Variants in MTHFD1L observed in about 807,000 individuals in gnomAD.
MTHFD1L encodes the protein monofunctional C1-tetrahydrofolate synthase, mitochondrial.
In MTHFD1L, 81 loss-of-function variants were observed where a neutral mutation model predicts 119.5. The ratio of observed to expected loss-of-function variants is 0.68; its 90% confidence interval spans 0.57 to 0.82. MTHFD1L has a LOEUF of 0.82. Among genes scored for constraint, MTHFD1L ranks in the 40% least tolerant of loss-of-function variants. The probability of loss-of-function intolerance (pLI) is 0.00; values close to 1 mark genes in which losing one functional copy is unlikely to be tolerated. For missense variants in MTHFD1L, 1,125 were observed against 1,253.4 expected (o/e 0.90, Z 1.55); for synonymous variants, 430 against 475.2 (o/e 0.90, Z 1.24).
At chr6:151,058,725 C>T (rs1332808457) in intron 26 of MTHFD1L, among the ~76,000 whole-genome samples, 9 of 152,188 alleles carry the variant, frequency 5.9e-5, no homozygotes, top group South Asian at 2.1e-4. Flanking sequence ...CTTGTGGACA[C>T]GTGCACATCA....
chr6:150,991,830 T>C (rs1250535290), intron 20 of MTHFD1L, among the ~76,000 whole-genome samples: 1 of 152,110 alleles, frequency 6.6e-6, no homozygotes, highest in Non-Finnish European at 1.5e-5. Context: ...AGTTTTGAAA[T>C]AGTGGTTTCA....
chr6:150,889,625 C>T (rs1562323135), intron 7 of MTHFD1L, among the ~76,000 whole-genome samples: 1 of 152,216 alleles, frequency 6.6e-6, no homozygotes, highest in Non-Finnish European at 1.5e-5. Flanking sequence ...TGACAGACCA[C>T]TAACAGGTGA....
intron 25 of MTHFD1L, among the ~76,000 whole-genome samples, chr6:151,036,139 C>T (rs558629256): frequency 1.2e-3 from 176 of 152,274 alleles, no homozygotes; most frequent in Non-Finnish European, 1.3e-3. Context: ...TGATGTCAAC[C>T]GGGCACGGTG....
At chr6:150,923,544 C>CTTTTTTTTTTTTTTT (rs61415562) in intron 10 of MTHFD1L, among the ~76,000 whole-genome samples, 1 of 53,228 alleles carries the variant, frequency 1.9e-5, no homozygotes, top group Non-Finnish European at 4.0e-5. Context: ...TTTATTTTTT[C>CTTTTTTTTTTTTTTT]TTTTTTTTTT....
At chr6:150,939,707 C>T (rs1471389016) in intron 13 of MTHFD1L, among the ~76,000 whole-genome samples, 1 of 61,974 alleles carries the variant, frequency 1.6e-5, no homozygotes, top group African/African-American at 1.2e-4. Context: ...TTTTTTGAGA[C>T]AGAGTTTTGC....
intron 27 of MTHFD1L, chr6:151,099,411 A>G: frequency 2.8e-6 from 2 of 721,668 alleles, no homozygotes; most frequent in South Asian, 1.6e-5. Context: ...AAGGGATACC[A>G]GAGCCACTAC....
At chr6:151,013,844 T>C (rs1271541665) in intron 22 of MTHFD1L, 24 bp downstream of exon 22, 1 of 1,597,692 alleles carries the variant, frequency 6.3e-7, no homozygotes, top group Non-Finnish European at 8.6e-7. Flanking sequence ...TTTAGATGCT[T>C]ATGTGAAGAA....
intron 26 of MTHFD1L, among the ~76,000 whole-genome samples, chr6:151,060,772 CT>C (rs1790517557): frequency 6.6e-6 from 1 of 152,156 alleles, no homozygotes; most frequent in South Asian, 2.1e-4. Context: ...AGACCCAGGT[CT>C]TGTGAGGCCT....
chr6:151,004,482 T>G (rs1170635122), intron 20 of MTHFD1L, among the ~76,000 whole-genome samples: 1 of 152,220 alleles, frequency 6.6e-6, no homozygotes, highest in Non-Finnish European at 1.5e-5. Flanking sequence ...GAATGTTGTG[T>G]TGTTCTGGTG....
intron 11 of MTHFD1L, among the ~76,000 whole-genome samples, chr6:150,930,348 G>A (rs575515303): frequency 1.3e-5 from 2 of 152,302 alleles, no homozygotes; most frequent in African/African-American, 2.4e-5. Flanking sequence ...CATTTGACCA[G>A]GTCAAGCGTT....
At chr6:151,087,994 A>T (rs1398345874) in intron 26 of MTHFD1L, 1 of 152,136 alleles carries the variant, frequency 6.6e-6, no homozygotes, top group Non-Finnish European at 1.5e-5. Context: ...GTCAACATAG[A>T]TCTCCACTGA....
At chr6:150,927,836 A>G (rs1790306883) in intron 11 of MTHFD1L, among the ~76,000 whole-genome samples, 1 of 152,088 alleles carries the variant, frequency 6.6e-6, no homozygotes, top group Admixed American at 6.5e-5. Context: ...TGGAGATCCC[A>G]TCTTACACAT....
chr6:151,032,799 A>G (rs1785533141), intron 24 of MTHFD1L, among the ~76,000 whole-genome samples: 1 of 152,164 alleles, frequency 6.6e-6, no homozygotes, highest in African/African-American at 2.4e-5. Context: ...TTTATTTGTT[A>G]GAATATTCAA....
chr6:151,026,369 A>G (rs1784604597), intron 24 of MTHFD1L, among the ~76,000 whole-genome samples: 2 of 152,212 alleles, frequency 1.3e-5, no homozygotes, highest in South Asian at 4.1e-4. Context: ...CTAGAGCCAT[A>G]CTGCCTGATA....
chr6:151,038,411 A>G (rs1045302949), intron 26 of MTHFD1L, among the ~76,000 whole-genome samples: 6 of 150,814 alleles, frequency 4.0e-5, no homozygotes, highest in African/African-American at 1.2e-4. Context: ...GAGTTGGATG[A>G]GGGGGGGTGG....
intron 4 of MTHFD1L, 109 bp downstream of exon 4, chr6:150,877,935 A>G (rs2073063): frequency 0.47 from 607,592 of 1,291,360 alleles, 144,910 homozygotes; most frequent in African/African-American, 0.58. Context: ...TTTGCTTGTG[A>G]CTGAATGTTA....
At chr6:151,050,442 G>A (rs944137038) in intron 26 of MTHFD1L, among the ~76,000 whole-genome samples, 12 of 152,314 alleles carry the variant, frequency 7.9e-5, no homozygotes, top group East Asian at 1.9e-4. Flanking sequence ...GATTACAGGC[G>A]TGAGCCACCG....
chr6:151,093,919 G>A (rs1048942829), intron 27 of MTHFD1L, among the ~76,000 whole-genome samples: 1 of 152,194 alleles, frequency 6.6e-6, no homozygotes, highest in African/African-American at 2.4e-5. Flanking sequence ...ACTCTGAGCT[G>A]TCTTAGGCAG....
At chr6:150,961,203 C>T (rs12210569) in intron 18 of MTHFD1L, among the ~76,000 whole-genome samples, 431 of 151,528 alleles carry the variant, frequency 2.8e-3, no homozygotes, top group Non-Finnish European at 4.8e-3. Flanking sequence ...AAGCGATTCT[C>T]CTGCCTCCGC....
Sources: allele counts gnomAD v4.1 joint callset (sites outside exome capture counted in the v4.1 genomes callset), GRCh38; gene constraint gnomAD v4.1.1; transcripts MANE v1.5; gene names NCBI Gene and HGNC (gene_info 2026-07-23, HGNC 2026-07-21).